The following TRIM44 variants were observed in gnomAD, a reference collection of about 807,000 sequenced individuals.
TRIM44 encodes tripartite motif-containing protein 44.
Under a neutral mutation model 37.4 loss-of-function variants are expected in TRIM44, and 13 were observed. The ratio of observed to expected loss-of-function variants is 0.35; its 90% CI spans 0.23 to 0.55. TRIM44 has a LOEUF of 0.55. Ranked by LOEUF, TRIM44 falls within the 20% of genes least tolerant of loss-of-function variation. The pLI is 0.89. For missense variants in TRIM44, 426 were observed against 437.2 expected (o/e 0.97, Z 0.23); for synonymous variants, 175 against 157.2 (o/e 1.11, Z -0.85).
intron 3 of TRIM44, among the ~76,000 whole-genome samples, chr11:35,731,229 G>A (rs1262513274): frequency 6.6e-6 from 1 of 152,120 alleles, no homozygotes; most frequent in Non-Finnish European, 1.5e-5. Flanking sequence ...TTTTGTAGAT[G>A]CCTTTTATCA....
chr11:35,771,094 C>CAG (rs1199321010), intron 4 of TRIM44, among the ~76,000 whole-genome samples: 1 of 152,086 alleles, frequency 6.6e-6, no homozygotes, highest in African/African-American at 2.4e-5. Flanking sequence ...GGGTAACAAG[C>CAG]AGAGGTTGGA....
chr11:35,794,911 A>G (rs982832194), intron 4 of TRIM44, among the ~76,000 whole-genome samples: 2 of 152,256 alleles, frequency 1.3e-5, no homozygotes, highest in Non-Finnish European at 2.9e-5. Flanking sequence ...ATAATTTTAG[A>G]TAGTGATCAG....
At chr11:35,702,012 TG>T (rs1851794370) in intron 2 of TRIM44, among the ~76,000 whole-genome samples, 1 of 152,206 alleles carries the variant, frequency 6.6e-6, no homozygotes, top group Non-Finnish European at 1.5e-5. Flanking sequence ...TCATCTTTTT[TG>T]TTTCATGGAT....
At chr11:35,753,243 G>A (rs115197491) in intron 4 of TRIM44, among the ~76,000 whole-genome samples, 32 of 152,256 alleles carry the variant, frequency 2.1e-4, no homozygotes, top group African/African-American at 6.7e-4. Context: ...TGAGTCTTTT[G>A]AAAACATTAA....
At chr11:35,796,814 G>A (rs1043151763) in intron 4 of TRIM44, among the ~76,000 whole-genome samples, 1 of 152,184 alleles carries the variant, frequency 6.6e-6, no homozygotes, top group African/African-American at 2.4e-5. Flanking sequence ...GAGTAATGTA[G>A]AAGTTATTTT....
In TRIM44 at chr11:35,705,669, A is replaced by G. The variant is rs1423952110; in HGVS notation, c.748-20255A>G. Among the ~76,000 whole-genome samples the G allele has an allele frequency of 2.0e-5, 3 of 148,708 alleles. 1 individual carries two copies. The highest frequency in any genetic ancestry group is 4.5e-5 in the Non-Finnish European group (3 of 66,060). The stretch of plus-strand genomic sequence containing the variant: ...ACCTGCTCCTGAATGACTACTGGGT[A>G]CATAACAAAATGAAGGCAGAAATAA... On this transcript the variant is annotated intron_variant, in intron 2 of 4. Coordinates refer to ENST00000299413, the MANE Select transcript of TRIM44 (RefSeq NM_017583.6).
In TRIM44 at chr11:35,802,614, C is replaced by G. The variant is rs571228889; in HGVS notation, c.1008-3744C>G. On this transcript the variant is annotated intron_variant, in intron 4 of 4. Coordinates refer to ENST00000299413, the MANE Select transcript of TRIM44 (RefSeq NM_017583.6). ...TTACATACCACAAGGGTATCCATAC[C>G]CCAGTTTTAAGGCCACCACTTTTAG... Among the ~76,000 whole-genome samples, 15 of 152,212 alleles carry G rather than the reference C, an allele frequency of 9.9e-5. 1 individual carries two copies. In the South Asian group the frequency reaches 3.1e-3, roughly 32 times the overall value.
chr11:35,814,032 C>T lies in TRIM44; in HGVS notation c.*7647C>T, dbSNP rs542144402. The T allele has an allele frequency of 4.6e-5, 7 of 152,260 alleles. No homozygotes were observed. Among genetic ancestry groups the T allele is most frequent in the African/African-American group, 1.7e-4 (7 of 41,560 alleles). The allele number at this position is 152,260 out of a possible 1,614,324, so 9.4% of individuals were successfully genotyped here. A position where few individuals can be genotyped will look rare whatever the true frequency, so the allele number is the denominator to read the frequency against. ...CTAGAATACAGATCAAATTCTGTTA[C>T]AACAAATACTGCTACCATAAAAGTC... On this transcript the variant is annotated 3_prime_UTR_variant, in exon 5 of 5. Coordinates refer to ENST00000299413, the MANE Select transcript of TRIM44 (RefSeq NM_017583.6).
intron 3 of TRIM44, among the ~76,000 whole-genome samples, chr11:35,733,195 C>G (rs1043253432): frequency 3.4e-4 from 51 of 152,000 alleles, no homozygotes; most frequent in African/African-American, 1.2e-3. Context: ...AAGAAAATTG[C>G]CAAAAGCTTC....
At chr11:35,783,759 TG>T (rs1212414425) in intron 4 of TRIM44, among the ~76,000 whole-genome samples, 1 of 152,158 alleles carries the variant, frequency 6.6e-6, no homozygotes, top group Non-Finnish European at 1.5e-5. Context: ...AAGGGCACTT[TG>T]GAGGTAATTC....
At position 35,812,367 on chromosome 11, in the gene TRIM44, A is replaced by C. The variant is rs923402424; in HGVS notation, c.*5982A>C. 1.3e-5 allele frequency: 2 copies of C among 152,216 alleles called. No individual in the cohort carries two copies. The highest frequency in any genetic ancestry group is 4.8e-5 in the African/African-American group (2 of 41,456). The allele number at this position is 152,216 out of a possible 1,614,324, so 9.4% of individuals were successfully genotyped here. On this transcript the variant is annotated 3_prime_UTR_variant, in exon 5 of 5. Transcript: ENST00000299413. Reference sequence around the variant, plus strand: ...CTGCTTGAAGTCAGTAACAGACTGCACTAAGTGTCTGTGCTTGTTAACTAT... The same window carrying C: ...CTGCTTGAAGTCAGTAACAGACTGCCCTAAGTGTCTGTGCTTGTTAACTAT...
chr11:35,731,105 A>G (rs1852253123), intron 3 of TRIM44, among the ~76,000 whole-genome samples: 1 of 152,088 alleles, frequency 6.6e-6, no homozygotes, highest in Admixed American at 6.6e-5. Flanking sequence ...GTCTTACTGC[A>G]GTGGCTACAA....
rs751679812 is a variant in TRIM44, at chr11:35,735,480, T to C, written c.1007+35T>C. The stretch of plus-strand genomic sequence containing the variant: ...CATTGTTGCTTGTCTTTTCTCATAA[T>C]TGAAGTAGAGTGACATTTGTGGCCT... On this transcript the variant is annotated intron_variant, in intron 4 of 4. Coordinates refer to ENST00000299413, the MANE Select transcript of TRIM44 (RefSeq NM_017583.6). 18 of 1,611,844 alleles carry C rather than the reference T, an allele frequency of 1.1e-5. 1 individual carries two copies. In the Middle Eastern group the frequency reaches 6.6e-4, roughly 59 times the overall value.
At chr11:35,783,260 G>GT (rs1853088166) in intron 4 of TRIM44, among the ~76,000 whole-genome samples, 4 of 152,132 alleles carry the variant, frequency 2.6e-5, no homozygotes, top group African/African-American at 9.7e-5. Flanking sequence ...TCTCCAGAAT[G>GT]TCAGCCTGAT....
intron 4 of TRIM44, among the ~76,000 whole-genome samples, chr11:35,761,617 C>G (rs1186427596): frequency 2.6e-5 from 4 of 152,140 alleles, no homozygotes; most frequent in Non-Finnish European, 5.9e-5. Context: ...AGAGTAGATA[C>G]TATTGTCATC....
chr11:35,795,123 A>G (rs192780637), intron 4 of TRIM44, among the ~76,000 whole-genome samples: 1 of 152,248 alleles, frequency 6.6e-6, no homozygotes, highest in Admixed American at 6.5e-5. Flanking sequence ...AAACAAGATC[A>G]GCTTACTTGG....
chr11:35,755,803 T>A (rs1409544929), intron 4 of TRIM44, among the ~76,000 whole-genome samples: 1 of 152,200 alleles, frequency 6.6e-6, no homozygotes. Flanking sequence ...TTGTCAAAGA[T>A]CAGATAGTTG....
At chr11:35,719,785 A>G (rs1731389957) in intron 2 of TRIM44, among the ~76,000 whole-genome samples, 2 of 152,184 alleles carry the variant, frequency 1.3e-5, no homozygotes, top group African/African-American at 4.8e-5. Flanking sequence ...TAGTTGTTCC[A>G]GCACCATTTG....
chr11:35,725,813 A>G, intron 2 of TRIM44, 111 bp from the exon 3 acceptor site: 2 of 1,172,996 alleles, frequency 1.7e-6, no homozygotes, highest in East Asian at 2.5e-5. Context: ...AAACTTTAGG[A>G]TTGGATAGGA....
Sources: gnomAD v4.1 joint callset for allele counts (sites outside exome capture counted in the v4.1 genomes callset) on GRCh38, gnomAD v4.1.1 for gene constraint, MANE v1.5 for transcripts, NCBI Gene and HGNC (gene_info 2026-07-23, HGNC 2026-07-21) for gene names.